Variants in TAFA5 observed in about 807,000 individuals in gnomAD.
TAFA5 encodes chemokine-like protein TAFA-5.
Under a neutral mutation model 15.3 loss-of-function variants are expected in TAFA5, and 6 were observed. The observed-to-expected ratio is 0.39, with a 90% CI of 0.21 to 0.77. TAFA5 has a LOEUF of 0.77. TAFA5 is among the 30% of genes least tolerant of loss of function. The pLI is 0.41. For synonymous variants in TAFA5, 103 were observed against 80.7 expected, an observed-to-expected ratio of 1.28 and a Z score of -1.48; for missense variants, 161 against 193.1, an observed-to-expected ratio of 0.83 and a Z score of 0.98.
At chr22:48,510,330 GAACTC>G (rs1187759505) in intron 1 of TAFA5, among the ~76,000 whole-genome samples, 2 of 152,058 alleles carry the variant, frequency 1.3e-5, no homozygotes, top group African/African-American at 4.8e-5. Flanking sequence ...TTCATACAAG[GAACTC>G]AACTCAACAG....
chr22:48,492,471 G>C (rs551212783), intron 1 of TAFA5, among the ~76,000 whole-genome samples: 10 of 152,128 alleles, frequency 6.6e-5, no homozygotes, highest in Non-Finnish European at 1.3e-4. Context: ...TTTTCTGTTG[G>C]GGGGATTCTA....
chr22:48,575,309 C>T (rs1038798025), intron 1 of TAFA5, among the ~76,000 whole-genome samples: 9 of 151,368 alleles, frequency 5.9e-5, no homozygotes, highest in African/African-American at 2.2e-4. Flanking sequence ...GCGCGCCAGG[C>T]GGGGGCGCTG....
chr22:48,562,613 C>A (rs1446801707), intron 1 of TAFA5, among the ~76,000 whole-genome samples: 1 of 152,186 alleles, frequency 6.6e-6, no homozygotes, highest in African/African-American at 2.4e-5. Flanking sequence ...CTGTGGGGAC[C>A]CCCGGGGCCC....
intron 1 of TAFA5, among the ~76,000 whole-genome samples, chr22:48,561,329 T>G (rs1173063149): frequency 6.6e-6 from 1 of 152,134 alleles, no homozygotes; most frequent in Admixed American, 6.5e-5. Flanking sequence ...CTGCAATGTT[T>G]CTGGGGCCCC....
At chr22:48,674,807 C>T (rs1293317002) in intron 2 of TAFA5, among the ~76,000 whole-genome samples, 7 of 152,052 alleles carry the variant, frequency 4.6e-5, no homozygotes, top group South Asian at 2.1e-4. Flanking sequence ...AAGCCTGGCC[C>T]GATGCACAGT....
chr22:48,585,667 C>T (rs1467711295), intron 1 of TAFA5, among the ~76,000 whole-genome samples: 1 of 136,332 alleles, frequency 7.3e-6, no homozygotes, highest in Non-Finnish European at 1.7e-5. Context: ...GCACACACAC[C>T]ACACACACCA....
intron 1 of TAFA5, among the ~76,000 whole-genome samples, chr22:48,500,772 C>G (rs1472126460): frequency 6.6e-6 from 1 of 152,220 alleles, no homozygotes; most frequent in Non-Finnish European, 1.5e-5. Context: ...CCTGCCGTCG[C>G]CGCCTCGGGT....
At chr22:48,639,211 C>T (rs562964648) in intron 1 of TAFA5, among the ~76,000 whole-genome samples, 20 of 150,724 alleles carry the variant, frequency 1.3e-4, no homozygotes, top group Admixed American at 7.9e-4. Flanking sequence ...CTTTTCTCCC[C>T]GTTGGGGACC....
chr22:48,586,433 G>C (rs373500593), intron 1 of TAFA5, among the ~76,000 whole-genome samples: 1 of 152,166 alleles, frequency 6.6e-6, no homozygotes, highest in Non-Finnish European at 1.5e-5. Flanking sequence ...TGGGACCCTC[G>C]GTCTCCTCTT....
intron 1 of TAFA5, among the ~76,000 whole-genome samples, chr22:48,574,916 G>A (rs1923708527): frequency 6.6e-6 from 1 of 152,230 alleles, no homozygotes; most frequent in Non-Finnish European, 1.5e-5. Flanking sequence ...GCATCCGTTT[G>A]TTTCCTCTGG....
chr22:48,628,207 C>T (rs1926090972), intron 1 of TAFA5, among the ~76,000 whole-genome samples: 1 of 152,202 alleles, frequency 6.6e-6, no homozygotes, highest in Non-Finnish European at 1.5e-5. Flanking sequence ...GCACAGGCTA[C>T]CATGTTCCAC....
chr22:48,549,366 C>T (rs1405806385), intron 1 of TAFA5, among the ~76,000 whole-genome samples: 1 of 152,258 alleles, frequency 6.6e-6, no homozygotes, highest in Non-Finnish European at 1.5e-5. Context: ...ATCCATTCGC[C>T]ACCAGGCAGC....
At chr22:48,712,921 G>C (rs1929296745) in intron 3 of TAFA5, among the ~76,000 whole-genome samples, 1 of 152,242 alleles carries the variant, frequency 6.6e-6, no homozygotes, top group Non-Finnish European at 1.5e-5. Flanking sequence ...ACACAAGCAG[G>C]TCTTCTCTCC....
intron 2 of TAFA5, chr22:48,693,481 G>A (rs1472280910): frequency 6.4e-7 from 1 of 1,570,924 alleles, no homozygotes; most frequent in Non-Finnish European, 8.6e-7. Context: ...ATGGGTAGAT[G>A]AGGAAGCATA....
intron 1 of TAFA5, among the ~76,000 whole-genome samples, chr22:48,610,788 T>C (rs1176549234): frequency 6.6e-6 from 1 of 152,186 alleles, no homozygotes; most frequent in Non-Finnish European, 1.5e-5. Context: ...GGAAGGATGG[T>C]GAATGCAGCC....
chr22:48,499,517 C>A (rs1920941673), intron 1 of TAFA5, among the ~76,000 whole-genome samples: 1 of 152,210 alleles, frequency 6.6e-6, no homozygotes, highest in South Asian at 2.1e-4. Context: ...ACGTGCCCTT[C>A]TGTTCTAGCC....
intron 3 of TAFA5, among the ~76,000 whole-genome samples, chr22:48,721,217 A>T (rs1291555554): frequency 1.3e-5 from 2 of 152,220 alleles, no homozygotes; most frequent in African/African-American, 4.8e-5. Flanking sequence ...TTCCCCATAG[A>T]GGGTTGCCCC....
intron 1 of TAFA5, among the ~76,000 whole-genome samples, chr22:48,586,100 C>T (rs1314194830): frequency 6.6e-6 from 1 of 152,248 alleles, no homozygotes; most frequent in Non-Finnish European, 1.5e-5. Context: ...GCTGGCTGGG[C>T]CTCTGCAGAG....
chr22:48,632,977 A>G (rs1926287484), intron 1 of TAFA5, among the ~76,000 whole-genome samples: 1 of 152,162 alleles, frequency 6.6e-6, no homozygotes, highest in African/African-American at 2.4e-5. Flanking sequence ...GGGGCTGAGA[A>G]TGGTGCTCAC....
Sources: gnomAD v4.1 joint callset for allele counts (sites outside exome capture counted in the v4.1 genomes callset) on GRCh38, gnomAD v4.1.1 for gene constraint, MANE v1.5 for transcripts, NCBI Gene and HGNC (gene_info 2026-07-23, HGNC 2026-07-21) for gene names.